PCDH11X: variants seen among roughly 807,000 people sequenced by gnomAD.
PCDH11X encodes protocadherin-11 X-linked.
In PCDH11X, 18 loss-of-function variants were observed where a neutral mutation model predicts 53.3. The observed-to-expected ratio is 0.34, with a 90% CI of 0.23 to 0.50. The LOEUF (loss-of-function observed/expected upper bound fraction) is 0.50, where lower values mean the gene tolerates loss of function less well. Ranked by LOEUF, PCDH11X falls within the 20% of genes least tolerant of loss-of-function variation. The pLI, the probability that PCDH11X is intolerant of heterozygous loss-of-function variation, is 0.98. For synonymous variants in PCDH11X, 279 were observed against 393.3 expected, an observed-to-expected ratio of 0.71 and a Z score of 3.44; for missense variants, 570 against 1,032.4, an observed-to-expected ratio of 0.55 and a Z score of 6.14.
intron 5 of PCDH11X, among the ~76,000 whole-genome samples, chrX:91,866,885 A>G (rs1939022482): frequency 9.0e-6 from 1 of 111,018 alleles, no homozygotes; most frequent in African/African-American, 3.3e-5. Flanking sequence ...TTTCTGACCA[A>G]CCACCCATAA....
At chrX:91,794,853 G>T (rs751032041) in intron 1 of PCDH11X, among the ~76,000 whole-genome samples, 1 of 110,040 alleles carries the variant, frequency 9.1e-6, no homozygotes, top group South Asian at 4.0e-4. Context: ...ACCTGGTTGG[G>T]GATGATTGAA....
chrX:91,909,138 A>C (rs1941290620), intron 6 of PCDH11X, among the ~76,000 whole-genome samples: 1 of 111,193 alleles, frequency 9.0e-6, no homozygotes, highest in African/African-American at 3.3e-5. Context: ...TCCTCTTCAA[A>C]ACAAGCTATT....
chrX:91,979,024 A>T (rs2147922972), intron 6 of PCDH11X, among the ~76,000 whole-genome samples: 1 of 111,984 alleles, frequency 8.9e-6, no homozygotes, highest in African/African-American at 3.2e-5. Context: ...ATAATAAATC[A>T]AATATGTTGA....
At chrX:91,797,003 A>G (rs991258354) in intron 1 of PCDH11X, among the ~76,000 whole-genome samples, 2 of 111,865 alleles carry the variant, frequency 1.8e-5, no homozygotes, top group Non-Finnish European at 3.8e-5. Flanking sequence ...AATAATTACT[A>G]TGCACATAAA....
At chrX:92,612,901 A>G (rs1252031000) in intron 10 of PCDH11X, among the ~76,000 whole-genome samples, 1 of 108,499 alleles carries the variant, frequency 9.2e-6, no homozygotes, top group Non-Finnish European at 1.9e-5. Flanking sequence ...ATTGCTTTAA[A>G]CTCTGTTTTA....
chrX:92,055,916 A>G (rs980310399), intron 6 of PCDH11X, among the ~76,000 whole-genome samples: 7 of 110,910 alleles, frequency 6.3e-5, no homozygotes, highest in Non-Finnish European at 1.1e-4. Context: ...TCCATGGTAT[A>G]TATGTACCAC....
intron 6 of PCDH11X, among the ~76,000 whole-genome samples, chrX:92,195,709 A>G (rs1343995124): frequency 8.9e-6 from 1 of 112,024 alleles, no homozygotes; most frequent in Non-Finnish European, 1.9e-5. Context: ...ATTTCTAAAC[A>G]TTCCATCCAT....
chrX:92,063,572 T>G (rs2063557957), intron 6 of PCDH11X, among the ~76,000 whole-genome samples: 1 of 111,714 alleles, frequency 9.0e-6, no homozygotes, highest in Non-Finnish European at 1.9e-5. Flanking sequence ...CATATCAGCC[T>G]GGTTAAGAAC....
At chrX:92,559,440 T>TACACACACACAC (rs199701051) in intron 10 of PCDH11X, among the ~76,000 whole-genome samples, 2 of 100,466 alleles carry the variant, frequency 2.0e-5, no homozygotes, top group Admixed American at 1.1e-4. Context: ...CAAGTATCTT[T>TACACACACACAC]ACACACACAC....
At chrX:91,948,995 G>T (rs1239695719) in intron 6 of PCDH11X, among the ~76,000 whole-genome samples, 2 of 110,592 alleles carry the variant, frequency 1.8e-5, no homozygotes, top group African/African-American at 6.6e-5. Flanking sequence ...GGAAACCCAA[G>T]ATCAGGTCTC....
At chrX:92,342,940 G>T (rs1276149439) in intron 8 of PCDH11X, among the ~76,000 whole-genome samples, 1 of 112,125 alleles carries the variant, frequency 8.9e-6, no homozygotes, top group Non-Finnish European at 1.9e-5. Flanking sequence ...ATGATGAAAT[G>T]ATTTCTATTT....
intron 6 of PCDH11X, among the ~76,000 whole-genome samples, chrX:91,981,625 G>A (rs1311577102): frequency 2.7e-5 from 3 of 111,543 alleles, no homozygotes; most frequent in East Asian, 2.8e-4. Context: ...ACATACCTGA[G>A]ACTGGGCAAT....
intron 10 of PCDH11X, among the ~76,000 whole-genome samples, chrX:92,581,095 C>T (rs1482945724): frequency 9.0e-6 from 1 of 111,540 alleles, no homozygotes; most frequent in Non-Finnish European, 1.9e-5. Context: ...GATTTTTTAA[C>T]ATGTTTCATT....
intron 9 of PCDH11X, among the ~76,000 whole-genome samples, chrX:92,408,740 G>A (rs1166027203): frequency 9.1e-6 from 1 of 109,780 alleles, no homozygotes; most frequent in East Asian, 2.9e-4. Flanking sequence ...CTGCCACCAT[G>A]CCGGGCTAAT....
rs796536811 is a variant in PCDH11X, at chrX:92,078,351, T to C, written c.3034-123024T>C. ...ATTTTTCTTCTTCATTTTTTACTTT[T>C]ACAGAGAATGTATGCATTTTAGGCA... On this transcript the variant is annotated intron_variant, in intron 6 of 10. Transcript: ENST00000682573. Among the ~76,000 whole-genome samples the C allele has an allele frequency of 2.7e-5, 3 of 111,768 alleles. No homozygotes were observed. In the East Asian group the frequency reaches 8.4e-4, roughly 31 times the overall value.
intron 6 of PCDH11X, among the ~76,000 whole-genome samples, chrX:91,903,339 C>T (rs1232307879): frequency 1.8e-5 from 2 of 111,429 alleles, no homozygotes; most frequent in African/African-American, 3.3e-5. Context: ...TCATCCCACT[C>T]CTCTGCTTAA....
At chrX:92,436,713 G>T (rs1019214569) in intron 9 of PCDH11X, among the ~76,000 whole-genome samples, 1 of 110,954 alleles carries the variant, frequency 9.0e-6, no homozygotes, top group Non-Finnish European at 1.9e-5. Context: ...AACTAATGCA[G>T]GTACAGAAAA....
chrX:92,462,046 T>A (rs991582934), intron 9 of PCDH11X, among the ~76,000 whole-genome samples: 1 of 112,057 alleles, frequency 8.9e-6, no homozygotes, highest in Admixed American at 9.5e-5. Flanking sequence ...AATTTTTAAA[T>A]TAGTTTGTAA....
chrX:91,837,953 C>T (rs139049050), intron 5 of PCDH11X, among the ~76,000 whole-genome samples: 4,087 of 111,580 alleles, frequency 0.037, 207 homozygotes, highest in African/African-American at 0.13. Context: ...CTGCACAGCA[C>T]AGCCTAAACA....
Sources: allele counts gnomAD v4.1 joint callset (sites outside exome capture counted in the v4.1 genomes callset), GRCh38; gene constraint gnomAD v4.1.1; transcripts MANE v1.5; gene names NCBI Gene and HGNC (gene_info 2026-07-23, HGNC 2026-07-21).